AHI1: variants seen among roughly 807,000 people sequenced by gnomAD.
AHI1 encodes the protein jouberin.
AHI1 carries 123 observed loss-of-function variants against 149.3 expected under a neutral mutation model. The observed-to-expected ratio is 0.82, with a 90% confidence interval of 0.71 to 0.96. The LOEUF (loss-of-function observed/expected upper bound fraction) is 0.96. Ranked by LOEUF, AHI1 falls within the 40% of genes least tolerant of loss-of-function variation. The pLI is 0.00. For synonymous variants in AHI1, 475 were observed against 459.8 expected (o/e 1.03, Z -0.42); for missense variants, 1,439 against 1,422.7 (o/e 1.01, Z -0.18).
At chr6:135,326,968 T>G (rs1787799557) in intron 24 of AHI1, among the ~76,000 whole-genome samples, 1 of 152,240 alleles carries the variant, frequency 6.6e-6, no homozygotes, top group African/African-American at 2.4e-5. Context: ...GCTTAGCTCC[T>G]ACTTTTAAGT....
intron 21 of AHI1, among the ~76,000 whole-genome samples, chr6:135,409,948 C>T (rs775871223): frequency 2.6e-5 from 4 of 152,182 alleles, no homozygotes; most frequent in Non-Finnish European, 5.9e-5. Context: ...ATCTCATATT[C>T]ATCTCTTCTC....
At chr6:135,374,632 C>T (rs1775630136) in intron 23 of AHI1, among the ~76,000 whole-genome samples, 1 of 151,982 alleles carries the variant, frequency 6.6e-6, no homozygotes, top group Admixed American at 6.6e-5. Flanking sequence ...ATTTCTCTTA[C>T]ATATTCAAAC....
chr6:135,370,031 T>C (rs962772668), intron 23 of AHI1, among the ~76,000 whole-genome samples: 160 of 152,320 alleles, frequency 1.1e-3, no homozygotes, highest in African/African-American at 3.6e-3. Context: ...CTTTTATTCA[T>C]TGTTCTTTTT....
chr6:135,313,088 C>T (rs1022378134), intron 26 of AHI1, among the ~76,000 whole-genome samples: 26 of 152,164 alleles, frequency 1.7e-4, no homozygotes, highest in Non-Finnish European at 3.4e-4. Context: ...CTCAGTTACA[C>T]GTTTCTCAAA....
chr6:135,464,217 G>A (rs1202454725), intron 7 of AHI1, among the ~76,000 whole-genome samples: 1 of 151,958 alleles, frequency 6.6e-6, no homozygotes, highest in Non-Finnish European at 1.5e-5. Flanking sequence ...AGTAAGACTA[G>A]AGAAATATTT....
chr6:135,302,891 G>A (rs2128354476), intron 26 of AHI1: 1 of 1,035,786 alleles, frequency 9.7e-7, no homozygotes, highest in East Asian at 6.1e-5. Flanking sequence ...CAACGCCAAA[G>A]AACATGACTG....
At chr6:135,471,754 T>G (rs1583407093) in intron 5 of AHI1, among the ~76,000 whole-genome samples, 2 of 152,188 alleles carry the variant, frequency 1.3e-5, no homozygotes, top group South Asian at 4.1e-4. Flanking sequence ...GGCTCACGCC[T>G]GTAATCCCAG....
intron 5 of AHI1, among the ~76,000 whole-genome samples, chr6:135,484,286 C>G (rs560538544): frequency 6.6e-6 from 1 of 152,096 alleles, no homozygotes; most frequent in Non-Finnish European, 1.5e-5. Context: ...GGGACACAGC[C>G]AAACCATGTC....
intron 8 of AHI1, among the ~76,000 whole-genome samples, chr6:135,461,221 T>C (rs1789830876): frequency 6.6e-6 from 1 of 151,966 alleles, no homozygotes; most frequent in Non-Finnish European, 1.5e-5. Flanking sequence ...ACAAATCAAT[T>C]AGAAAAAGAC....
At chr6:135,446,754 T>G (rs532465552) in intron 13 of AHI1, among the ~76,000 whole-genome samples, 2 of 152,144 alleles carry the variant, frequency 1.3e-5, no homozygotes, top group Non-Finnish European at 2.9e-5. Flanking sequence ...ACCCAGTCAG[T>G]GGTATTTTGT....
At chr6:135,310,371 C>T (rs1254144026) in intron 26 of AHI1, among the ~76,000 whole-genome samples, 2 of 152,166 alleles carry the variant, frequency 1.3e-5, no homozygotes, top group African/African-American at 4.8e-5. Flanking sequence ...TTCTGAGAGG[C>T]TGACAGATTT....
chr6:135,288,659 ACC>A, intron 28 of AHI1, among the ~76,000 whole-genome samples: 1 of 152,102 alleles, frequency 6.6e-6, no homozygotes, highest in African/African-American at 2.4e-5. Flanking sequence ...ATGATGAATA[ACC>A]ATATGATATT....
intron 5 of AHI1, 75 bp downstream of exon 5, chr6:135,490,548 T>G: frequency 6.4e-7 from 1 of 1,559,338 alleles, no homozygotes; most frequent in Non-Finnish European, 8.8e-7. Context: ...CCTTAGAATT[T>G]TAACATAAAA....
At position 135,438,362 on chromosome 6, in the gene AHI1, C is replaced by T; in HGVS notation, c.2036+13G>A. 6.3e-7 allele frequency: 1 copy of T among 1,577,434 alleles called. No individual in the cohort carries two copies. The highest frequency in any genetic ancestry group is 8.6e-7 in the Non-Finnish European group (1 of 1,159,594). ...AAACAGCATGCACATAAGTACTTCT[C>T]AAGGATACTAACCTGGCAGTGCCAT... is the stretch of plus-strand genomic sequence containing the variant. On this transcript the variant is annotated intron_variant, in intron 15 of 28. Transcript: ENST00000265602.
chr6:135,402,732 T>C (rs1243504030), intron 22 of AHI1, among the ~76,000 whole-genome samples: 1 of 152,198 alleles, frequency 6.6e-6, no homozygotes, highest in Non-Finnish European at 1.5e-5. Flanking sequence ...GCTTAATGAA[T>C]AGTAAATGTA....
At chr6:135,356,599 A>G (rs1793006090) in intron 24 of AHI1, among the ~76,000 whole-genome samples, 1 of 152,182 alleles carries the variant, frequency 6.6e-6, no homozygotes, top group African/African-American at 2.4e-5. Context: ...AGAAAAATAC[A>G]TCAAAAAGGA....
intron 23 of AHI1, among the ~76,000 whole-genome samples, chr6:135,384,365 G>A (rs1394751232): frequency 1.3e-5 from 2 of 152,116 alleles, no homozygotes; most frequent in Non-Finnish European, 2.9e-5. Flanking sequence ...CCTTTCACTT[G>A]TAGTAAACAT....
intron 17 of AHI1, among the ~76,000 whole-genome samples, chr6:135,430,892 T>C (rs1403062881): frequency 1.3e-5 from 2 of 151,994 alleles, no homozygotes; most frequent in Non-Finnish European, 2.9e-5. Context: ...ATATAAATTA[T>C]TACTTATCGA....
rs56734547 is a variant in AHI1, at chr6:135,294,698, C to CAAAAA, written c.3486-4178_3486-4174dup. On this transcript the variant is annotated intron_variant, in intron 27 of 28. Transcript: ENST00000265602. ...GCTAGAACAACAGGATCTCCAAATG[C>CAAAAA]AAAAAAAAAAAAAAAAAAAGAAAAA... Among the ~76,000 whole-genome samples, 433 of 67,894 alleles carry CAAAAA rather than the reference C, an allele frequency of 6.4e-3. 1 individual carries two copies. The highest frequency in any genetic ancestry group is 0.017 in the African/African-American group (358 of 20,746). 44.5% of individuals were successfully genotyped at this position (67,894 alleles called of 152,430 possible). A position where few individuals can be genotyped will look rare whatever the true frequency, so the allele number is the denominator to read the frequency against.
Sources: gnomAD v4.1 joint callset for allele counts (sites outside exome capture counted in the v4.1 genomes callset) on GRCh38, gnomAD v4.1.1 for gene constraint, MANE v1.5 for transcripts, NCBI Gene and HGNC (gene_info 2026-07-23, HGNC 2026-07-21) for gene names.